The following ELSPBP1 variants were observed in gnomAD, a reference collection of about 807,000 sequenced individuals.
The protein encoded by ELSPBP1 is epididymal sperm binding protein 1.
ELSPBP1 carries 38 observed loss-of-function variants against 33.3 expected under a neutral mutation model. The observed-to-expected ratio is 1.14, with a 90% CI of 0.88 to 1.50. The LOEUF (loss-of-function observed/expected upper bound fraction) is 1.50, where lower values mean the gene tolerates loss of function less well. ELSPBP1 is among the 40% of genes most tolerant of loss of function. The probability of loss-of-function intolerance (pLI) is 0.00; values close to 1 mark genes in which losing one functional copy is unlikely to be tolerated. For synonymous variants in ELSPBP1, 85 were observed against 94.1 expected, an observed-to-expected ratio of 0.90 and a Z score of 0.56; for missense variants, 267 against 263.5, an observed-to-expected ratio of 1.01 and a Z score of -0.09.
chr19:48,016,465 CTTCTTTCT>C lies in ELSPBP1; in HGVS notation c.355+484_355+491del, dbSNP rs1196910160. Reference sequence around the variant, plus strand: ...CTCCCTTTTCTCTTTCTTTTCTTTCCTTCTTTCTTTCTTTCTTTCTTTCTTTCTTTCTT... The same window carrying C: ...CTCCCTTTTCTCTTTCTTTTCTTTCCTTCTTTCTTTCTTTCTTTCTTTCTT... On this transcript the variant is annotated intron_variant, in intron 4 of 6. Coordinates refer to ENST00000339841, the MANE Select transcript of ELSPBP1 (RefSeq NM_022142.5). 4.2e-3 allele frequency among the ~76,000 whole-genome samples: 185 copies of C among 44,516 alleles called. 2 individuals are homozygous for C. The highest frequency in any genetic ancestry group is 0.028 in the East Asian group (12 of 426). The allele number at this position is 44,516 out of a possible 152,430, so 29.2% of individuals were successfully genotyped here. A position where few individuals can be genotyped will look rare whatever the true frequency, so the allele number is the denominator to read the frequency against.
chr19:48,006,528 C>T (rs113751051), intron 1 of ELSPBP1, among the ~76,000 whole-genome samples: 2,538 of 144,544 alleles, frequency 0.018, 28 homozygotes, highest in Middle Eastern at 0.045. Context: ...GCAGGAGAAT[C>T]GCTTGAGCCT....
rs569312083 is a variant in ELSPBP1 at position 48,019,978 on chromosome 19, G to A, written c.514+101G>A. ...CCCACTGTGAGCCAGGCACTGAGTTGGGCACTGAGGATCTGGTGATGAATC... is the reference window on the plus strand; with the variant it reads ...CCCACTGTGAGCCAGGCACTGAGTTAGGCACTGAGGATCTGGTGATGAATC... On this transcript the variant is annotated intron_variant, in intron 5 of 6. Transcript: ENST00000339841. The A allele has an allele frequency of 4.8e-5, 61 of 1,264,194 alleles. 2 individuals are homozygous for A. The South Asian group carries it at 7.7e-4, about 16-fold the overall frequency. 78.3% of individuals were successfully genotyped at this position (1,264,194 alleles called of 1,614,324 possible).
chr19:48,015,661 A>AAAAAG (rs368867872), intron 3 of ELSPBP1, among the ~76,000 whole-genome samples: 8 of 152,306 alleles, frequency 5.3e-5, no homozygotes, highest in East Asian at 1.9e-4. Flanking sequence ...CTGTCTCGAA[A>AAAAAG]AAAAGAAAAG....
chr19:48,008,657 G>T lies in ELSPBP1; in HGVS notation c.-11G>T. On this transcript the variant is annotated 5_prime_UTR_variant, in exon 2 of 7. In the 5' UTR this introduces an upstream ATG that the reference lacks. Transcript: ENST00000339841. ...TTTGTCTTCTTTTCCACAGAGAAGA[G>T]GGCAGCCAAGATGACCCGATGGTCC... The T allele has an allele frequency of 6.2e-7, 1 of 1,613,486 alleles. No individual in the cohort carries two copies. The highest frequency in any genetic ancestry group is 1.3e-5 in the African/African-American group (1 of 74,982).
rs373871650 is a variant in ELSPBP1 at position 48,018,906 on chromosome 19, C to T, written c.356-813C>T. Among the ~76,000 whole-genome samples, 100 of 152,306 alleles carry T rather than the reference C, an allele frequency of 6.6e-4. 3 individuals are homozygous for T. In the South Asian group the frequency reaches 0.019, roughly 29 times the overall value. ...TGGTGGCTCATGCCTGTAATCCCAG[C>T]ACTGTGGGAGGCCGAGGCAGGTGAA... On this transcript the variant is annotated intron_variant, in intron 4 of 6. Transcript: ENST00000339841.
At chr19:48,009,710 AGT>A (rs1172860009) in intron 2 of ELSPBP1, among the ~76,000 whole-genome samples, 1 of 152,112 alleles carries the variant, frequency 6.6e-6, no homozygotes, top group Non-Finnish European at 1.5e-5. Context: ...TTTTAAAAAA[AGT>A]GTGTATTTAT....
intron 1 of ELSPBP1, among the ~76,000 whole-genome samples, chr19:48,007,586 C>T (rs1967034441): frequency 6.6e-6 from 1 of 152,098 alleles, no homozygotes; most frequent in Admixed American, 6.6e-5. Context: ...ATGGCATGGT[C>T]ATCTGTCATC....
At chr19:48,005,708 A>T (rs1438067349) in intron 1 of ELSPBP1, among the ~76,000 whole-genome samples, 1 of 152,184 alleles carries the variant, frequency 6.6e-6, no homozygotes, top group Non-Finnish European at 1.5e-5. Context: ...GTCCGGTCCC[A>T]TGTTAAGCCT....
intron 1 of ELSPBP1, among the ~76,000 whole-genome samples, chr19:48,006,937 G>A (rs1967026458): frequency 6.6e-6 from 1 of 152,142 alleles, no homozygotes; most frequent in Admixed American, 6.5e-5. Flanking sequence ...GCACTGTTGG[G>A]AGAGGAAAAA....
chr19:47,998,053 C>A (rs887984085), intron 1 of ELSPBP1, among the ~76,000 whole-genome samples: 1 of 152,150 alleles, frequency 6.6e-6, no homozygotes, highest in African/African-American at 2.4e-5. Context: ...CCTAGGTTTG[C>A]TAGTGTCACC....
At chr19:48,016,931 A>G (rs2122327147) in intron 4 of ELSPBP1, among the ~76,000 whole-genome samples, 1 of 152,252 alleles carries the variant, frequency 6.6e-6, no homozygotes, top group Middle Eastern at 3.4e-3. Context: ...CTAACATCAT[A>G]TTAAGTCTAC....
chr19:48,022,473 T>C (rs1314678249), intron 6 of ELSPBP1, 139 bp downstream of exon 6: 2 of 707,420 alleles, frequency 2.8e-6, no homozygotes, highest in Non-Finnish European at 4.3e-6. Flanking sequence ...AGGCGAGATC[T>C]GTTGCTTTTC....
intron 1 of ELSPBP1, among the ~76,000 whole-genome samples, chr19:48,006,915 C>T (rs1028912770): frequency 1.3e-5 from 2 of 152,144 alleles, no homozygotes; most frequent in Admixed American, 6.5e-5. Context: ...TGATGTGTAG[C>T]GGGAGAGCCA....
intron 3 of ELSPBP1, among the ~76,000 whole-genome samples, chr19:48,015,467 G>A (rs776917952): frequency 6.6e-6 from 1 of 152,068 alleles, no homozygotes; most frequent in East Asian, 1.9e-4. Flanking sequence ...ACCAGCCTGG[G>A]CAACATGGCG....
chr19:48,011,136 C>T lies in ELSPBP1; in HGVS notation c.70+2399C>T, dbSNP rs565139948. Among the ~76,000 whole-genome samples, 5 of 150,794 alleles carry T rather than the reference C, an allele frequency of 3.3e-5. No individual in the cohort carries two copies. Among genetic ancestry groups the T allele is most frequent in the South Asian group, 2.1e-4 (1 of 4,752 alleles). On this transcript the variant is annotated intron_variant, in intron 2 of 6. Transcript: ENST00000339841. The surrounding 1 kb of genome is among the most constrained non-coding windows in gnomAD (Gnocchi z 4.5). ...ATGATGGTGACAGTGATGATGATGACGATGATGATAATGATTATGACAATG... is the reference window on the plus strand; with the variant it reads ...ATGATGGTGACAGTGATGATGATGATGATGATGATAATGATTATGACAATG...
intron 4 of ELSPBP1, among the ~76,000 whole-genome samples, chr19:48,017,319 C>T (rs769414169): frequency 3.9e-5 from 6 of 152,130 alleles, no homozygotes; most frequent in Non-Finnish European, 8.8e-5. Context: ...CCATCTAAAC[C>T]TTAATTTTAT....
At chr19:48,014,141 C>T in intron 2 of ELSPBP1, 30 bp from the exon 3 acceptor site, 1 of 1,607,164 alleles carries the variant, frequency 6.2e-7, no homozygotes, top group Non-Finnish European at 8.5e-7. Flanking sequence ...TGATTCTTCC[C>T]CACTCCTGTT....
intron 5 of ELSPBP1, among the ~76,000 whole-genome samples, chr19:48,020,957 A>T (rs1967193544): frequency 6.7e-6 from 1 of 149,618 alleles, no homozygotes; most frequent in African/African-American, 2.4e-5. Flanking sequence ...TTTCCTAAAT[A>T]AAATAAATTA....
At chr19:47,999,543 CA>C (rs1286380921) in intron 1 of ELSPBP1, among the ~76,000 whole-genome samples, 1 of 151,956 alleles carries the variant, frequency 6.6e-6, no homozygotes, top group East Asian at 1.9e-4. Flanking sequence ...CATGTGTCAC[CA>C]CGCCTGGCTA....
Sources: allele counts gnomAD v4.1 joint callset (sites outside exome capture counted in the v4.1 genomes callset), GRCh38; gene constraint gnomAD v4.1.1; non-coding constraint Gnocchi (gnomAD v3.1); transcripts MANE v1.5; gene names NCBI Gene and HGNC (gene_info 2026-07-23, HGNC 2026-07-21).